Variants in KCNIP4 observed in about 807,000 individuals in gnomAD.
KCNIP4 encodes the protein potassium voltage-gated channel interacting protein 4.
A neutral mutation model predicts 34.0 loss-of-function variants in KCNIP4; 12 were observed. That is an observed-to-expected ratio of 0.35 (90% CI 0.23 to 0.57). The LOEUF is 0.57. Among genes scored for constraint, KCNIP4 ranks in the 20% least tolerant of loss-of-function variants. The pLI is 0.83. For synonymous variants in KCNIP4, 124 were observed against 102.2 expected, an observed-to-expected ratio of 1.21 and a Z score of -1.29; for missense variants, 238 against 311.7, an observed-to-expected ratio of 0.76 and a Z score of 1.78.
chr4:21,646,970 AT>A (rs1160233611), intron 1 of KCNIP4, among the ~76,000 whole-genome samples: 1 of 152,172 alleles, frequency 6.6e-6, no homozygotes, highest in Non-Finnish European at 1.5e-5. Context: ...AATAAAAAAA[AT>A]CTAGAAAGTT....
At chr4:21,453,504 C>A (rs1728679930) in intron 1 of KCNIP4, among the ~76,000 whole-genome samples, 1 of 151,978 alleles carries the variant, frequency 6.6e-6, no homozygotes, top group South Asian at 2.1e-4. Context: ...TTATTAAAAT[C>A]CAACACCCTC....
chr4:21,028,176 C>CA lies in KCNIP4; in HGVS notation c.62-145468dup, dbSNP rs1560658942. On this transcript the variant is annotated intron_variant, in intron 1 of 8. Coordinates refer to ENST00000382152, the MANE Select transcript of KCNIP4 (RefSeq NM_025221.6). ...ACCTCACCATCTCTCCCCTCCCCCC[C>CA]AATTGTCACTGTCCTGATCAGAGAT... Among the ~76,000 whole-genome samples the CA allele has an allele frequency of 6.6e-5, 10 of 152,252 alleles. No individual in the cohort carries two copies. In the South Asian group the frequency reaches 1.9e-3, roughly 28 times the overall value.
intron 3 of KCNIP4, among the ~76,000 whole-genome samples, chr4:20,797,063 TA>T (rs1346131590): frequency 1.3e-5 from 2 of 152,314 alleles, no homozygotes; most frequent in East Asian, 3.9e-4. Flanking sequence ...ACAATGAATA[TA>T]AAAATTCAAT....
At chr4:21,020,550 A>G (rs1398474019) in intron 1 of KCNIP4, among the ~76,000 whole-genome samples, 1 of 152,148 alleles carries the variant, frequency 6.6e-6, no homozygotes, top group Non-Finnish European at 1.5e-5. Context: ...AAAGGACACG[A>G]TCTTCAGGGT....
chr4:20,995,131 G>A (rs1737430694), intron 1 of KCNIP4, among the ~76,000 whole-genome samples: 1 of 152,148 alleles, frequency 6.6e-6, no homozygotes, highest in Non-Finnish European at 1.5e-5. Context: ...TGAGAAAACT[G>A]AGACTAAAAA....
chr4:21,893,020 TC>T (rs1357076416), intron 1 of KCNIP4, among the ~76,000 whole-genome samples: 5 of 152,198 alleles, frequency 3.3e-5, no homozygotes, highest in Admixed American at 6.5e-5. Context: ...GAATAACTCA[TC>T]TACATTTTGC....
At chr4:21,648,091 T>C (rs1304708898) in intron 1 of KCNIP4, among the ~76,000 whole-genome samples, 1 of 151,790 alleles carries the variant, frequency 6.6e-6, no homozygotes, top group Non-Finnish European at 1.5e-5. Context: ...GTGAGGATGG[T>C]CTCGATCTCC....
At chr4:20,868,032 A>T (rs1456678507) in intron 2 of KCNIP4, among the ~76,000 whole-genome samples, 1 of 151,928 alleles carries the variant, frequency 6.6e-6, no homozygotes, top group Non-Finnish European at 1.5e-5. Flanking sequence ...AATAAAAAAA[A>T]GAAGCTATCA....
At chr4:21,265,885 A>G (rs1761774443) in intron 1 of KCNIP4, among the ~76,000 whole-genome samples, 1 of 152,226 alleles carries the variant, frequency 6.6e-6, no homozygotes, top group African/African-American at 2.4e-5. Flanking sequence ...AACTTTGCAA[A>G]GTGTCTATAA....
chr4:21,250,785 G>A (rs1351090968), intron 1 of KCNIP4, among the ~76,000 whole-genome samples: 2 of 151,830 alleles, frequency 1.3e-5, no homozygotes, highest in South Asian at 2.1e-4. Flanking sequence ...TACTTAAAGC[G>A]AGGATGGGAA....
intron 1 of KCNIP4, among the ~76,000 whole-genome samples, chr4:21,372,469 A>G (rs986639094): frequency 6.8e-6 from 1 of 146,824 alleles, no homozygotes; most frequent in Non-Finnish European, 1.5e-5. Flanking sequence ...TGTATACAAC[A>G]TATTGCTTTT....
Position 20,804,048 on chromosome 4 carries a change from G to C in KCNIP4, c.289-45158C>G, listed in dbSNP as rs183301539. 2.8e-4 allele frequency among the ~76,000 whole-genome samples: 42 copies of C among 152,260 alleles called. No individual in the cohort carries two copies. The East Asian group carries it at 6.2e-3, about 22-fold the overall frequency. On this transcript the variant is annotated intron_variant, in intron 3 of 8. Coordinates refer to ENST00000382152, the MANE Select transcript of KCNIP4 (RefSeq NM_025221.6). Reference sequence around the variant, plus strand: ...ATATAAATTCAGTAAAATATTAAAAGTGATGGGGTAGGATAGTAACTCAAG... The same window carrying C: ...ATATAAATTCAGTAAAATATTAAAACTGATGGGGTAGGATAGTAACTCAAG...
At chr4:21,222,855 C>T (rs1224774009) in intron 1 of KCNIP4, among the ~76,000 whole-genome samples, 5 of 152,118 alleles carry the variant, frequency 3.3e-5, no homozygotes, top group Non-Finnish European at 7.4e-5. Context: ...TATTGCCTAC[C>T]CAACAGGAGG....
intron 1 of KCNIP4, among the ~76,000 whole-genome samples, chr4:21,467,645 T>C (rs898539805): frequency 8.5e-5 from 13 of 152,106 alleles, no homozygotes; most frequent in Non-Finnish European, 8.8e-5. Flanking sequence ...CGCCAAGACA[T>C]GATAAGATTC....
intron 3 of KCNIP4, among the ~76,000 whole-genome samples, chr4:20,844,695 G>A (rs564758090): frequency 2.6e-5 from 4 of 152,122 alleles, no homozygotes; most frequent in East Asian, 1.9e-4. Context: ...ACCATAAATC[G>A]GACGTAGTGC....
chr4:21,491,378 T>C (rs1051045586), intron 1 of KCNIP4, among the ~76,000 whole-genome samples: 1 of 152,066 alleles, frequency 6.6e-6, no homozygotes, highest in Non-Finnish European at 1.5e-5. Flanking sequence ...GAAATGCCAC[T>C]TGTTTTTTGT....
chr4:21,898,795 C>T (rs1727548231), intron 1 of KCNIP4, among the ~76,000 whole-genome samples: 1 of 152,144 alleles, frequency 6.6e-6, no homozygotes, highest in Admixed American at 6.5e-5. Flanking sequence ...CGTCTTATAG[C>T]TTGGGTACCA....
intron 1 of KCNIP4, among the ~76,000 whole-genome samples, chr4:21,239,793 A>G (rs1412439216): frequency 6.6e-6 from 1 of 152,140 alleles, no homozygotes; most frequent in Admixed American, 6.5e-5. Context: ...AAACTAGTTC[A>G]ACCATTGTGG....
At chr4:21,092,114 T>C (rs1747049624) in intron 1 of KCNIP4, among the ~76,000 whole-genome samples, 1 of 152,162 alleles carries the variant, frequency 6.6e-6, no homozygotes, top group African/African-American at 2.4e-5. Flanking sequence ...CCAGTTCCCA[T>C]GTATCTGTGA....
Sources: allele counts gnomAD v4.1 joint callset (sites outside exome capture counted in the v4.1 genomes callset), GRCh38; gene constraint gnomAD v4.1.1; transcripts MANE v1.5; gene names NCBI Gene and HGNC (gene_info 2026-07-23, HGNC 2026-07-21).